Variants in SLC24A2 observed in about 807,000 individuals in gnomAD.
SLC24A2 encodes solute carrier family 24 member 2.
In SLC24A2, 36 loss-of-function variants were observed where a neutral mutation model predicts 62.0. That is an observed-to-expected ratio of 0.58 (90% confidence interval 0.44 to 0.77). The LOEUF (loss-of-function observed/expected upper bound fraction) is 0.77. Ranked by LOEUF, SLC24A2 falls within the 30% of genes least tolerant of loss-of-function variation. SLC24A2 has a pLI of 0.00. For synonymous variants in SLC24A2, 358 were observed against 294.0 expected (o/e 1.22, Z -2.23); for missense variants, 846 against 817.9 (o/e 1.03, Z -0.42).
At chr9:19,564,510 CATCTGTT>C (rs1835568794) in intron 7 of SLC24A2, among the ~76,000 whole-genome samples, 1 of 148,108 alleles carries the variant, frequency 6.8e-6, no homozygotes, top group Non-Finnish European at 1.5e-5. Flanking sequence ...TGTCTTCAGT[CATCTGTT>C]ATCTACCTAC....
the SLC24A2 span, among the ~76,000 whole-genome samples, chr9:20,211,830 T>A: frequency 6.6e-6 from 1 of 152,122 alleles, no homozygotes; most frequent in Admixed American, 6.6e-5. Flanking sequence ...TTTGTGTTTG[T>A]GTTTGTTTTT....
chr9:20,183,047 T>C, the SLC24A2 span, among the ~76,000 whole-genome samples: 4 of 152,144 alleles, frequency 2.6e-5, no homozygotes, highest in African/African-American at 7.2e-5. Context: ...TTTTAAAAAG[T>C]CTCTTAGAAG....
At chr9:19,525,877 C>A (rs1833427888) in intron 9 of SLC24A2, among the ~76,000 whole-genome samples, 1 of 150,116 alleles carries the variant, frequency 6.7e-6, no homozygotes, top group Non-Finnish European at 1.5e-5. Context: ...AAAATTTAGC[C>A]ATTTTAAAGT....
At chr9:20,088,942 G>C in the SLC24A2 span, among the ~76,000 whole-genome samples, 2 of 152,186 alleles carry the variant, frequency 1.3e-5, no homozygotes, top group African/African-American at 4.8e-5. Flanking sequence ...GACTGGAATA[G>C]ACTCCCACCA....
the SLC24A2 span, among the ~76,000 whole-genome samples, chr9:20,172,457 AG>A: frequency 6.6e-6 from 1 of 152,106 alleles, no homozygotes; most frequent in South Asian, 2.1e-4. Context: ...CATTAGCAAG[AG>A]TAACCAAGAA....
At chr9:19,568,862 C>T (rs1021674249) in intron 7 of SLC24A2, among the ~76,000 whole-genome samples, 12 of 152,314 alleles carry the variant, frequency 7.9e-5, no homozygotes, top group African/African-American at 2.9e-4. Flanking sequence ...TTTCCTACCG[C>T]CCCAGCCCCT....
chr9:20,110,578 C>T, the SLC24A2 span, among the ~76,000 whole-genome samples: 2 of 151,994 alleles, frequency 1.3e-5, no homozygotes, highest in East Asian at 3.9e-4. Context: ...CTCCAAACTA[C>T]AGGAAGGCAA....
chr9:19,679,025 C>A (rs1312712577), intron 2 of SLC24A2, among the ~76,000 whole-genome samples: 1 of 152,130 alleles, frequency 6.6e-6, no homozygotes, highest in Non-Finnish European at 1.5e-5. Flanking sequence ...ACCAGATGTT[C>A]AGGTTCTAAT....
At chr9:19,961,069 AAG>A in the SLC24A2 span, among the ~76,000 whole-genome samples, 1 of 140,262 alleles carries the variant, frequency 7.1e-6, no homozygotes, top group Non-Finnish European at 1.6e-5. Context: ...AGAAAGGAGA[AAG>A]AGAGAAGAAA....
chr9:20,183,767 C>T, the SLC24A2 span, among the ~76,000 whole-genome samples: 1 of 152,176 alleles, frequency 6.6e-6, no homozygotes, highest in African/African-American at 2.4e-5. Flanking sequence ...ATCTTGAGAG[C>T]TAGAGGTAGG....
chr9:20,036,904 A>T, the SLC24A2 span, among the ~76,000 whole-genome samples: 1 of 124,296 alleles, frequency 8.0e-6, no homozygotes, highest in African/African-American at 3.3e-5. Flanking sequence ...ATATATATGT[A>T]TGTATGTATA....
the SLC24A2 span, among the ~76,000 whole-genome samples, chr9:20,234,914 T>C: frequency 6.6e-6 from 1 of 152,232 alleles, no homozygotes; most frequent in Non-Finnish European, 1.5e-5. Context: ...GGTGTGGATG[T>C]CCTTTCTGTT....
In SLC24A2 at chr9:19,514,515, T is replaced by C. The variant is rs370434260; in HGVS notation, c.*1638A>G. 3.9e-5 allele frequency: 6 copies of C among 152,284 alleles called. No individual in the cohort carries two copies. The highest frequency in any genetic ancestry group is 1.4e-4 in the African/African-American group (6 of 41,562). The allele number at this position is 152,284 out of a possible 1,614,324, so 9.4% of individuals were successfully genotyped here. ...CCATTGATTCAGTTTGCCTATTTTT[T>C]CCCCCTTGCTGGCTTTATTTTCGAC... is the stretch of plus-strand genomic sequence containing the variant. On this transcript the variant is annotated 3_prime_UTR_variant, in exon 11 of 11. Transcript: ENST00000341998.
At chr9:19,726,643 T>A (rs1821179212) in intron 2 of SLC24A2, among the ~76,000 whole-genome samples, 1 of 152,152 alleles carries the variant, frequency 6.6e-6, no homozygotes, top group African/African-American at 2.4e-5. Flanking sequence ...GCTAATACAA[T>A]TATTTGGCAC....
At chr9:19,552,540 C>T (rs1243490766) in intron 7 of SLC24A2, among the ~76,000 whole-genome samples, 2 of 152,018 alleles carry the variant, frequency 1.3e-5, no homozygotes, top group African/African-American at 4.8e-5. Context: ...AGCAGAGAGT[C>T]AGTCAGCTTC....
chr9:19,582,810 C>A, intron 5 of SLC24A2, among the ~76,000 whole-genome samples: 1 of 152,070 alleles, frequency 6.6e-6, no homozygotes, highest in East Asian at 1.9e-4. Context: ...TCCCCTGTTT[C>A]TCTCACACCC....
At chr9:19,940,963 G>A in the SLC24A2 span, among the ~76,000 whole-genome samples, 1 of 152,170 alleles carries the variant, frequency 6.6e-6, no homozygotes, top group South Asian at 2.1e-4. Flanking sequence ...TATATTATGT[G>A]GGCAGAAGAT....
chr9:19,802,921 T>C, the SLC24A2 span, among the ~76,000 whole-genome samples: 4 of 152,120 alleles, frequency 2.6e-5, no homozygotes, highest in Admixed American at 6.5e-5. Context: ...CCCTCATGAA[T>C]GGGATTAGTG....
At chr9:20,155,049 C>T in the SLC24A2 span, among the ~76,000 whole-genome samples, 25 of 150,640 alleles carry the variant, frequency 1.7e-4, no homozygotes, top group Non-Finnish European at 2.5e-4. Context: ...TTGGGTCAAA[C>T]GGCCATCCCC....
Sources: gnomAD v4.1 joint callset for allele counts (sites outside exome capture counted in the v4.1 genomes callset) on GRCh38, gnomAD v4.1.1 for gene constraint, MANE v1.5 for transcripts, NCBI Gene and HGNC (gene_info 2026-07-23, HGNC 2026-07-21) for gene names.